Variants in PTPRR observed in about 807,000 individuals in gnomAD.
The protein encoded by PTPRR is protein tyrosine phosphatase receptor type R, also known as receptor-type tyrosine-protein phosphatase R.
PTPRR carries 38 observed loss-of-function variants against 77.2 expected under a neutral mutation model. The ratio of observed to expected loss-of-function variants is 0.49; its 90% CI spans 0.38 to 0.65. The LOEUF is 0.65. Among genes scored for constraint, PTPRR ranks in the 30% least tolerant of loss-of-function variants. PTPRR has a pLI of 0.00. For missense variants in PTPRR, 744 were observed against 799.2 expected, an observed-to-expected ratio of 0.93 and a Z score of 0.83; for synonymous variants, 299 against 283.1, an observed-to-expected ratio of 1.06 and a Z score of -0.57.
intron 6 of PTPRR, among the ~76,000 whole-genome samples, chr12:70,711,652 C>G (rs577702788): frequency 6.6e-6 from 1 of 152,086 alleles, no homozygotes; most frequent in African/African-American, 2.4e-5. Flanking sequence ...AATTCCAAAT[C>G]CTTAAATTTG....
chr12:70,669,535 C>T (rs1293535463), intron 10 of PTPRR, among the ~76,000 whole-genome samples: 1 of 147,528 alleles, frequency 6.8e-6, no homozygotes, highest in Non-Finnish European at 1.5e-5. Flanking sequence ...TATATATACA[C>T]ACAAGCCATA....
At chr12:70,916,721 CT>C (rs1893780988) in intron 1 of PTPRR, among the ~76,000 whole-genome samples, 1 of 152,180 alleles carries the variant, frequency 6.6e-6, no homozygotes, top group African/African-American at 2.4e-5. Context: ...GGTGGTACTT[CT>C]GCAAATCACC....
intron 2 of PTPRR, among the ~76,000 whole-genome samples, chr12:70,839,081 T>G (rs1289060088): frequency 3.2e-4 from 48 of 152,148 alleles, no homozygotes; most frequent in Admixed American, 2.9e-3. Flanking sequence ...CCACTTCTTT[T>G]CTTTATCTAT....
intron 6 of PTPRR, among the ~76,000 whole-genome samples, chr12:70,722,614 A>G (rs537034780): frequency 6.6e-6 from 1 of 152,216 alleles, no homozygotes; most frequent in South Asian, 2.1e-4. Flanking sequence ...TATTTGCCAG[A>G]ATCTGGGTAC....
intron 2 of PTPRR, among the ~76,000 whole-genome samples, chr12:70,820,384 A>G (rs2137039485): frequency 6.6e-6 from 1 of 152,090 alleles, no homozygotes; most frequent in South Asian, 2.1e-4. Context: ...GGCTGGAGTG[A>G]GTGCAGTGGC....
chr12:70,659,703 C>T (rs1182318713), intron 12 of PTPRR, among the ~76,000 whole-genome samples: 2 of 152,044 alleles, frequency 1.3e-5, no homozygotes, highest in South Asian at 2.1e-4. Flanking sequence ...GTATTATCTA[C>T]CTTTGGATAA....
intron 10 of PTPRR, among the ~76,000 whole-genome samples, chr12:70,675,464 C>G (rs1887410315): frequency 6.6e-6 from 1 of 151,926 alleles, no homozygotes; most frequent in Non-Finnish European, 1.5e-5. Flanking sequence ...AGTGGCTAAT[C>G]TTAAAATTTG....
intron 6 of PTPRR, among the ~76,000 whole-genome samples, chr12:70,743,767 C>G (rs1001919884): frequency 2.0e-5 from 3 of 152,042 alleles, no homozygotes; most frequent in Non-Finnish European, 2.9e-5. Flanking sequence ...TTGTATTCGC[C>G]CTTCTCAAAG....
intron 13 of PTPRR, among the ~76,000 whole-genome samples, chr12:70,642,931 G>A (rs545332242): frequency 6.6e-6 from 1 of 152,142 alleles, no homozygotes; most frequent in East Asian, 1.9e-4. Context: ...TGGATCACTC[G>A]AGCCCAAAGT....
At chr12:70,724,652 C>T (rs1035445784) in intron 6 of PTPRR, among the ~76,000 whole-genome samples, 1 of 152,050 alleles carries the variant, frequency 6.6e-6, no homozygotes, top group African/African-American at 2.4e-5. Flanking sequence ...CTATTACTGA[C>T]CCCTATTGGT....
chr12:70,700,937 A>G (rs560500380), intron 7 of PTPRR, among the ~76,000 whole-genome samples, 200 bp downstream of exon 7: 29 of 152,246 alleles, frequency 1.9e-4, no homozygotes, highest in African/African-American at 7.0e-4. Flanking sequence ...ATTCTTGCAT[A>G]TTCTGCCTTA....
intron 1 of PTPRR, among the ~76,000 whole-genome samples, chr12:70,909,415 T>C (rs1038658854): frequency 6.7e-6 from 1 of 148,812 alleles, no homozygotes; most frequent in Non-Finnish European, 1.5e-5. Flanking sequence ...TTTTCTAAAA[T>C]TTATCTGCTT....
rs539690303 is a variant in PTPRR, at chr12:70,917,911, C to T, written c.58+2422G>A. Among the ~76,000 whole-genome samples, 23 of 152,258 alleles carry T rather than the reference C, an allele frequency of 1.5e-4. No individual in the cohort carries two copies. The Middle Eastern group carries it at 0.01, about 68-fold the overall frequency. On this transcript the variant is annotated intron_variant, in intron 1 of 13. Transcript: ENST00000283228. ...ATAAAGCAGTTGCTGATACCCTGGG[C>T]GTAACCAAAATGGATCAATTAGCTT...
intron 12 of PTPRR, among the ~76,000 whole-genome samples, chr12:70,660,337 C>T (rs1010019639): frequency 6.6e-6 from 1 of 152,170 alleles, no homozygotes; most frequent in Admixed American, 6.6e-5. Context: ...GGACAGGAAC[C>T]AGCACAGACC....
At chr12:70,684,453 A>C (rs1484998277) in intron 9 of PTPRR, among the ~76,000 whole-genome samples, 189 bp from the exon 10 acceptor site, 1 of 152,184 alleles carries the variant, frequency 6.6e-6, no homozygotes, top group East Asian at 1.9e-4. Flanking sequence ...CATGGTACTG[A>C]GGGTTGTAAT....
intron 2 of PTPRR, among the ~76,000 whole-genome samples, chr12:70,767,190 A>T (rs1890846731): frequency 6.6e-6 from 1 of 152,238 alleles, no homozygotes; most frequent in South Asian, 2.1e-4. Flanking sequence ...TAAATGGACT[A>T]AATGCTCCAG....
chr12:70,761,579 T>C lies in PTPRR; in HGVS notation c.519A>G (p.Lys173=). 6.2e-7 allele frequency: 1 copy of C among 1,612,086 alleles called. No individual in the cohort carries two copies. The highest frequency in any genetic ancestry group is 8.5e-7 in the Non-Finnish European group (1 of 1,178,848). Reference sequence around the variant, plus strand: ...AGGGCAGAGCATCAGAAATTCCTGTTTTTCGGTTTATGGGAGACACAAACA... The same window carrying C: ...AGGGCAGAGCATCAGAAATTCCTGTCTTTCGGTTTATGGGAGACACAAACA... The part of the protein sequence containing the change: ...IELFVSPINR[K]TGISDALPSE... The change falls in exon 4 of 14, where the codon AAA becomes AAG. Residue 173 remains lysine (K), a synonymous_variant. Coordinates refer to ENST00000283228, the MANE Select transcript of PTPRR (RefSeq NM_002849.4).
At chr12:70,918,851 T>C (rs1425680297) in intron 1 of PTPRR, among the ~76,000 whole-genome samples, 1 of 152,194 alleles carries the variant, frequency 6.6e-6, no homozygotes, top group Non-Finnish European at 1.5e-5. Flanking sequence ...AATGTGTATG[T>C]TTTCATCCCA....
At chr12:70,839,946 C>T (rs1009529700) in intron 2 of PTPRR, among the ~76,000 whole-genome samples, 1 of 152,176 alleles carries the variant, frequency 6.6e-6, no homozygotes, top group African/African-American at 2.4e-5. Context: ...CTATAAATGT[C>T]ACCATGTTTT....
Sources: gnomAD v4.1 joint callset for allele counts (sites outside exome capture counted in the v4.1 genomes callset) on GRCh38, gnomAD v4.1.1 for gene constraint, MANE v1.5 for transcripts, NCBI Gene and HGNC (gene_info 2026-07-23, HGNC 2026-07-21) for gene names.